HHAT: variants seen among roughly 807,000 people sequenced by gnomAD.
HHAT encodes hedgehog acyltransferase.
Under a neutral mutation model 70.8 loss-of-function variants are expected in HHAT, and 47 were observed. The observed-to-expected ratio is 0.66, with a 90% CI of 0.53 to 0.85. The LOEUF is 0.85. Ranked by LOEUF, HHAT falls within the 40% of genes least tolerant of loss-of-function variation. HHAT has a pLI of 0.00. For synonymous variants in HHAT, 228 were observed against 247.6 expected (o/e 0.92, Z 0.74); for missense variants, 609 against 604.8 (o/e 1.01, Z -0.07).
intron 7 of HHAT, among the ~76,000 whole-genome samples, chr1:210,435,140 T>A (rs1036492652): frequency 2.0e-5 from 3 of 151,820 alleles, no homozygotes; most frequent in Admixed American, 6.6e-5. Context: ...TGCTTTCCCT[T>A]CCCAGCCTCT....
chr1:210,336,287 ATTTTTT>A lies in HHAT; in HGVS notation c.-44+7201_-44+7206del, dbSNP rs541795412. ...AGGCATGCACCACTGTGCCTGGCTAATTTTTTTTTTTTTTTTTTTTTTTAGAGACAG... is the reference window on the plus strand; with the variant it reads ...AGGCATGCACCACTGTGCCTGGCTAATTTTTTTTTTTTTTTTTAGAGACAG... On this transcript the variant is annotated intron_variant, in intron 1 of 11. Transcript: ENST00000261458. 1.8e-4 allele frequency among the ~76,000 whole-genome samples: 15 copies of A among 84,602 alleles called. 1 individual carries two copies. The highest frequency in any genetic ancestry group is 6.5e-4 in the Admixed American group (5 of 7,718). 55.5% of individuals were successfully genotyped at this position (84,602 alleles called of 152,430 possible). A position where few individuals can be genotyped will look rare whatever the true frequency, so the allele number is the denominator to read the frequency against.
At chr1:210,631,400 G>A (rs573594334) in intron 11 of HHAT, among the ~76,000 whole-genome samples, 1 of 152,352 alleles carries the variant, frequency 6.6e-6, no homozygotes, top group South Asian at 2.1e-4. Flanking sequence ...GGGACTGATA[G>A]ACCAGCTTGA....
At chr1:210,635,205 C>A (rs924943314) in intron 11 of HHAT, among the ~76,000 whole-genome samples, 2 of 152,050 alleles carry the variant, frequency 1.3e-5, no homozygotes, top group African/African-American at 4.8e-5. Context: ...TGGGGCACAG[C>A]CTGTACAAAG....
At chr1:210,451,638 G>T (rs1424775939) in intron 7 of HHAT, among the ~76,000 whole-genome samples, 1 of 152,108 alleles carries the variant, frequency 6.6e-6, no homozygotes, top group Non-Finnish European at 1.5e-5. Context: ...AGGTGCAGTG[G>T]TACGATCATA....
At chr1:210,569,166 G>A (rs1266853615) in intron 9 of HHAT, among the ~76,000 whole-genome samples, 2 of 151,890 alleles carry the variant, frequency 1.3e-5, no homozygotes, top group African/African-American at 4.8e-5. Flanking sequence ...CTGAGGTCAG[G>A]AGTTTGAGAC....
chr1:210,454,869 G>A (rs1453572185), intron 7 of HHAT, among the ~76,000 whole-genome samples: 1 of 152,182 alleles, frequency 6.6e-6, no homozygotes, highest in Non-Finnish European at 1.5e-5. Context: ...AGTCACTCTG[G>A]GAAGTCAACT....
At chr1:210,404,142 G>T (rs73071990) in intron 5 of HHAT, among the ~76,000 whole-genome samples, 2,138 of 152,272 alleles carry the variant, frequency 0.014, 54 homozygotes, top group African/African-American at 0.047. Flanking sequence ...TGCACCTTAT[G>T]CCCTGGATGT....
intron 7 of HHAT, among the ~76,000 whole-genome samples, chr1:210,441,929 C>T (rs889087440): frequency 6.6e-6 from 1 of 151,518 alleles, no homozygotes; most frequent in Non-Finnish European, 1.5e-5. Flanking sequence ...ATACATGTGC[C>T]ATGCTGGTGT....
intron 9 of HHAT, among the ~76,000 whole-genome samples, chr1:210,565,867 G>A (rs189135424): frequency 8.5e-5 from 13 of 152,316 alleles, no homozygotes; most frequent in East Asian, 1.9e-4. Context: ...CGCTAAGAGC[G>A]TGGAGGTATA....
At position 210,464,667 on chromosome 1, in the gene HHAT, G is replaced by C. The variant is rs768972167; in HGVS notation, c.1007+12G>C. ...ACCGGGATGTGGAGGTCAGGCGCTG[G>C]GATTGCTAAAGTTGGTCAGGCATGT... On this transcript the variant is annotated intron_variant, in intron 8 of 11. Transcript: ENST00000261458. The C allele has an allele frequency of 8.1e-6, 13 of 1,613,976 alleles. No homozygotes were observed. Among genetic ancestry groups the C allele is most frequent in the Non-Finnish European group, 9.3e-6 (11 of 1,179,996 alleles).
chr1:210,539,400 A>AAT (rs1173138440), intron 9 of HHAT, among the ~76,000 whole-genome samples: 6 of 152,318 alleles, frequency 3.9e-5, no homozygotes, highest in Admixed American at 2.0e-4. Flanking sequence ...CTTCTCACAG[A>AAT]ATAGTCTTGA....
Position 210,387,702 on chromosome 1 carries a change from A to G in HHAT, c.273+121A>G, listed in dbSNP as rs1207433027. ...GCACTGGGAGCCTGGAAAAAATGAT[A>G]AAGTTGTTAACAATCAATATAACAT... On this transcript the variant is annotated intron_variant, in intron 4 of 11. Transcript: ENST00000261458. 1.6e-5 allele frequency: 11 copies of G among 687,580 alleles called. No homozygotes were observed. In the Admixed American group the frequency reaches 2.1e-4, roughly 13 times the overall value. 42.6% of individuals were successfully genotyped at this position (687,580 alleles called of 1,614,324 possible).
intron 1 of HHAT, among the ~76,000 whole-genome samples, chr1:210,339,673 G>A (rs1270737421): frequency 6.6e-6 from 1 of 152,172 alleles, no homozygotes; most frequent in African/African-American, 2.4e-5. Flanking sequence ...AGGTCATCAT[G>A]GCCCCCTCCA....
At chr1:210,611,612 T>C (rs993451308) in intron 10 of HHAT, among the ~76,000 whole-genome samples, 46 of 152,268 alleles carry the variant, frequency 3.0e-4, no homozygotes, top group African/African-American at 1.1e-3. Context: ...TTTCTGCTTT[T>C]GCCCATTTAG....
At chr1:210,364,392 T>C (rs1274626907) in intron 3 of HHAT, among the ~76,000 whole-genome samples, 1 of 152,220 alleles carries the variant, frequency 6.6e-6, no homozygotes, top group Non-Finnish European at 1.5e-5. Flanking sequence ...AATGTAACAC[T>C]AGCGGATGTC....
chr1:210,493,252 G>A (rs1383831425), intron 8 of HHAT, among the ~76,000 whole-genome samples: 1 of 151,954 alleles, frequency 6.6e-6, no homozygotes, highest in Non-Finnish European at 1.5e-5. Flanking sequence ...GTATGTGCAT[G>A]TATATATACA....
In HHAT at chr1:210,545,544, C is replaced by A. The variant is rs112595356; in HGVS notation, c.1043+32356C>A. 3.2e-3 allele frequency among the ~76,000 whole-genome samples: 469 copies of A among 148,680 alleles called. 3 individuals are homozygous for A. Among genetic ancestry groups the A allele is most frequent in the Middle Eastern group, 0.01 (3 of 288 alleles). Reference sequence around the variant, plus strand: ...CTCCACCTCCTGGGCTCAAGTGATTCTCCTGCCCCAGCCTCCTAAGTAGCT... The same window carrying A: ...CTCCACCTCCTGGGCTCAAGTGATTATCCTGCCCCAGCCTCCTAAGTAGCT... On this transcript the variant is annotated intron_variant, in intron 9 of 11. Transcript: ENST00000261458.
chr1:210,406,209 C>T (rs1019953423), intron 6 of HHAT, among the ~76,000 whole-genome samples: 2 of 152,050 alleles, frequency 1.3e-5, no homozygotes, highest in South Asian at 2.1e-4. Flanking sequence ...AACTTTTGGA[C>T]CAAACATCCA....
chr1:210,667,214 C>G (rs1316327525), intron 11 of HHAT, among the ~76,000 whole-genome samples: 1 of 152,066 alleles, frequency 6.6e-6, no homozygotes, highest in Non-Finnish European at 1.5e-5. Context: ...GAAACTCTGT[C>G]TCTACTAAAA....
Sources: allele counts gnomAD v4.1 joint callset (sites outside exome capture counted in the v4.1 genomes callset), GRCh38; gene constraint gnomAD v4.1.1; transcripts MANE v1.5; gene names NCBI Gene and HGNC (gene_info 2026-07-23, HGNC 2026-07-21).